Variants in WDR64 observed in about 807,000 individuals in gnomAD.
WDR64 encodes the protein WD repeat-containing protein 64.
A neutral mutation model predicts 139.3 loss-of-function variants in WDR64; 112 were observed. The ratio of observed to expected loss-of-function variants is 0.80; its 90% confidence interval spans 0.69 to 0.94. The LOEUF is 0.94. Ranked by LOEUF, WDR64 falls within the 40% of genes least tolerant of loss-of-function variation. WDR64 has a pLI of 0.00. For missense variants in WDR64, 1,206 were observed against 1,293.1 expected (o/e 0.93, Z 1.03); for synonymous variants, 444 against 437.7 (o/e 1.01, Z -0.18).
chr1:241,801,677 CTTCA>C lies in WDR64; in HGVS notation c.*465_*468del. On this transcript the variant is annotated 3_prime_UTR_variant, in exon 28 of 28. Transcript: ENST00000437684. ...AGTCAGATCTCTAGATGTTTGTCTTCTTCATTTAGAGAAATATTATCTGGAAGAA... is the reference window on the plus strand; with the variant it reads ...AGTCAGATCTCTAGATGTTTGTCTTCTTTAGAGAAATATTATCTGGAAGAA... 1 of 398,520 alleles carries C rather than the reference CTTCA, an allele frequency of 2.5e-6. No homozygotes were observed. The highest frequency in any genetic ancestry group is 4.4e-6 in the Non-Finnish European group (1 of 226,096). The allele number at this position is 398,520 out of a possible 1,614,324, so 24.7% of individuals were successfully genotyped here.
intron 14 of WDR64, among the ~76,000 whole-genome samples, chr1:241,756,170 G>C (rs1387310643): frequency 6.6e-6 from 1 of 152,118 alleles, no homozygotes; most frequent in Admixed American, 6.5e-5. Context: ...CCATTTTCAC[G>C]ATATTGATCT....
intron 22 of WDR64, among the ~76,000 whole-genome samples, chr1:241,782,775 A>G (rs1180253999): frequency 1.3e-5 from 2 of 152,160 alleles, no homozygotes; most frequent in African/African-American, 4.8e-5. Flanking sequence ...TACTTATAGC[A>G]TGTATCTCCC....
intron 10 of WDR64, among the ~76,000 whole-genome samples, chr1:241,732,847 A>G (rs1254462473): frequency 1.3e-5 from 2 of 151,970 alleles, no homozygotes; most frequent in African/African-American, 4.8e-5. Flanking sequence ...ACAAAAAAAC[A>G]AAAAACAAAA....
Position 241,757,460 on chromosome 1 carries a change from G to C in WDR64, c.1947+1G>C. 1.9e-6 allele frequency: 3 copies of C among 1,601,672 alleles called. No individual in the cohort carries two copies. The highest frequency in any genetic ancestry group is 2.6e-6 in the Non-Finnish European group (3 of 1,174,468). ...GAGGAACTTTTCTCAACCTACTGATGTAAGTTTCCTCTCTTGGTTTCTTTT... is the reference window on the plus strand; with the variant it reads ...GAGGAACTTTTCTCAACCTACTGATCTAAGTTTCCTCTCTTGGTTTCTTTT... On this transcript the variant is annotated splice_donor_variant, in intron 15 of 27. Transcript: ENST00000437684. LOFTEE classifies it high-confidence loss of function.
At chr1:241,659,500 CGTT>C (rs563893548) in intron 1 of WDR64, among the ~76,000 whole-genome samples, 347 of 152,252 alleles carry the variant, frequency 2.3e-3, no homozygotes, top group Middle Eastern at 0.014. Context: ...CTTCCACAAT[CGTT>C]GAACTAATTT....
chr1:241,672,410 C>T (rs551724405), intron 3 of WDR64, among the ~76,000 whole-genome samples: 25 of 152,288 alleles, frequency 1.6e-4, no homozygotes, highest in African/African-American at 5.5e-4. Flanking sequence ...GTGTGGCTGG[C>T]AGTCTATGTT....
chr1:241,688,860 C>A (rs1667106409), intron 8 of WDR64, among the ~76,000 whole-genome samples: 1 of 152,142 alleles, frequency 6.6e-6, no homozygotes, highest in African/African-American at 2.4e-5. Flanking sequence ...AGGAGTTCAA[C>A]AGATTCTTAA....
intron 2 of WDR64, among the ~76,000 whole-genome samples, chr1:241,667,721 T>G (rs943244471): frequency 3.3e-5 from 5 of 152,100 alleles, no homozygotes; most frequent in African/African-American, 1.2e-4. Flanking sequence ...ACAATCCCAA[T>G]GAGCTTGGAA....
At chr1:241,674,828 TC>T (rs1666406632) in intron 4 of WDR64, 81 bp downstream of exon 4, 1 of 579,488 alleles carries the variant, frequency 1.7e-6, no homozygotes, top group African/African-American at 3.5e-5. Flanking sequence ...TCTCCCCCCC[TC>T]CCTCCCTCCC....
chr1:241,675,370 C>T (rs186896160), intron 4 of WDR64, among the ~76,000 whole-genome samples: 16 of 150,904 alleles, frequency 1.1e-4, no homozygotes, highest in Admixed American at 4.0e-4. Flanking sequence ...TCAGGTACAG[C>T]GGAAACCATA....
rs1223623631 is a variant in WDR64, at chr1:241,766,316, C to T, written c.2046C>T (p.Ile682=). The change falls in exon 16 of 28, where the codon ATC becomes ATT. Residue 682 remains isoleucine, a synonymous_variant. Coordinates refer to ENST00000437684, the MANE Select transcript of WDR64 (RefSeq NM_001367482.1). ...CTGGAACCTTAAATGGTGTGATCATCTTATGGAATTTTGTGACGTCTACTG... is the reference window on the plus strand; with the variant it reads ...CTGGAACCTTAAATGGTGTGATCATTTTATGGAATTTTGTGACGTCTACTG... The part of the protein sequence containing the change: ...IAAGTLNGVI[I]LWNFVTSTVK... The T allele has an allele frequency of 6.2e-7, 1 of 1,613,900 alleles. No individual in the cohort carries two copies. The highest frequency in any genetic ancestry group is 1.3e-5 in the African/African-American group (1 of 74,904).
chr1:241,792,515 G>A (rs1043284279), intron 25 of WDR64, among the ~76,000 whole-genome samples: 6 of 152,012 alleles, frequency 3.9e-5, no homozygotes, highest in Admixed American at 2.0e-4. Context: ...CAACCTTGGC[G>A]ACAGAGTGAG....
chr1:241,782,462 T>A (rs908733198), intron 22 of WDR64, among the ~76,000 whole-genome samples: 1 of 152,132 alleles, frequency 6.6e-6, no homozygotes, highest in African/African-American at 2.4e-5. Flanking sequence ...TGTCATCACA[T>A]TACACTTCTA....
At chr1:241,670,666 A>G (rs1475212257) in intron 2 of WDR64, among the ~76,000 whole-genome samples, 1 of 152,182 alleles carries the variant, frequency 6.6e-6, no homozygotes, top group Non-Finnish European at 1.5e-5. Context: ...TCAGTGGGGG[A>G]GAGAGCATCA....
intron 20 of WDR64, among the ~76,000 whole-genome samples, chr1:241,773,263 G>A (rs893638630): frequency 6.6e-6 from 1 of 152,148 alleles, no homozygotes; most frequent in African/African-American, 2.4e-5. Context: ...ATAGATACCC[G>A]TATTGAGAAA....
intron 8 of WDR64, among the ~76,000 whole-genome samples, chr1:241,697,675 A>C (rs935233010): frequency 1.3e-5 from 2 of 152,090 alleles, no homozygotes; most frequent in Non-Finnish European, 2.9e-5. Context: ...TAACAATCAC[A>C]CTATACATTT....
intron 25 of WDR64, among the ~76,000 whole-genome samples, chr1:241,791,079 G>A (rs192808283): frequency 1.8e-4 from 28 of 152,088 alleles, no homozygotes; most frequent in African/African-American, 6.3e-4. Flanking sequence ...CTGAGGTCAG[G>A]AGTTTGAGAC....
intron 7 of WDR64, among the ~76,000 whole-genome samples, chr1:241,684,314 A>G (rs1666926965): frequency 6.6e-6 from 1 of 152,244 alleles, no homozygotes; most frequent in African/African-American, 2.4e-5. Context: ...TGTAATTCAC[A>G]AACATGTGCA....
At chr1:241,689,504 A>G (rs1667132245) in intron 8 of WDR64, among the ~76,000 whole-genome samples, 1 of 152,258 alleles carries the variant, frequency 6.6e-6, no homozygotes, top group Non-Finnish European at 1.5e-5. Flanking sequence ...GAAGGGCATT[A>G]CATAATGATA....
Sources: allele counts gnomAD v4.1 joint callset (sites outside exome capture counted in the v4.1 genomes callset), GRCh38; gene constraint gnomAD v4.1.1; transcripts MANE v1.5; gene names NCBI Gene and HGNC (gene_info 2026-07-23, HGNC 2026-07-21).